Variants in MTHFD1 observed in about 807,000 individuals in gnomAD.
MTHFD1 encodes the protein methylenetetrahydrofolate dehydrogenase, cyclohydrolase and formyltetrahydrofolate synthetase 1.
MTHFD1 carries 44 observed loss-of-function variants against 110.3 expected under a neutral mutation model. That is an observed-to-expected ratio of 0.40 (90% confidence interval 0.31 to 0.51). The LOEUF (loss-of-function observed/expected upper bound fraction) is 0.51. MTHFD1 is among the 20% of genes least tolerant of loss of function. The pLI is 0.60. For missense variants in MTHFD1, 909 were observed against 1,173.1 expected, an observed-to-expected ratio of 0.77 and a Z score of 3.29; for synonymous variants, 402 against 428.8, an observed-to-expected ratio of 0.94 and a Z score of 0.77.
intron 15 of MTHFD1, among the ~76,000 whole-genome samples, chr14:64,435,339 T>G (rs1163918967): frequency 6.6e-6 from 1 of 152,146 alleles, no homozygotes; most frequent in African/African-American, 2.4e-5. Context: ...ATAATCCTCG[T>G]TGCTCATTCC....
rs749797874 is a variant in MTHFD1, at chr14:64,415,371, T to C, written c.254T>C (p.Ile85Thr). 6.2e-7 allele frequency: 1 copy of C among 1,607,774 alleles called. No homozygotes were observed. Among genetic ancestry groups the C allele is most frequent in the South Asian group, 1.1e-5 (1 of 90,928 alleles). The change falls in exon 5 of 28, where the codon ATT becomes ACT. Residue 85 changes from isoleucine (I) to threonine (T), a missense_variant. Transcript: ENST00000652337. ...TATTACTTTTAGGTGATGAAGTACA[T>C]TACATCTTTGAATGAAGACTCTACT... ...TTTESEVMKY[I>T]TSLNEDSTVH...
chr14:64,389,076 A>G (rs3783732), intron 1 of MTHFD1: 1 of 153,214 alleles, frequency 6.5e-6, no homozygotes. Flanking sequence ...TCTGCATTCC[A>G]CTTGACCTCT....
At chr14:64,390,445 C>T (rs1312547156) in intron 1 of MTHFD1, 2 of 151,880 alleles carry the variant, frequency 1.3e-5, no homozygotes, top group African/African-American at 4.8e-5. Context: ...TCATATCAGC[C>T]TCCTGAGTAC....
chr14:64,426,617 C>T (rs544833412), intron 11 of MTHFD1, among the ~76,000 whole-genome samples: 17 of 152,180 alleles, frequency 1.1e-4, no homozygotes, highest in Admixed American at 6.5e-5. Context: ...ACTACAGGTG[C>T]AAGGCACCAC....
chr14:64,428,674 C>T (rs2078136498), intron 12 of MTHFD1, among the ~76,000 whole-genome samples: 2 of 151,226 alleles, frequency 1.3e-5, no homozygotes, highest in African/African-American at 4.9e-5. Flanking sequence ...CTGCCTCAGC[C>T]TCCCAAGTAG....
chr14:64,397,138 AATATATATATATATATATATAT>A (rs1182197415), intron 1 of MTHFD1, among the ~76,000 whole-genome samples: 10 of 11,946 alleles, frequency 8.4e-4, no homozygotes, highest in East Asian at 7.7e-3. Context: ...AAAAAAAAAA[AATATATATATATATATATATAT>A]ATATATATAT....
At chr14:64,448,108 C>T in intron 22 of MTHFD1, 109 bp from the exon 23 acceptor site, 1 of 788,008 alleles carries the variant, frequency 1.3e-6, no homozygotes, top group South Asian at 1.5e-5. Context: ...GCCTCCTTGT[C>T]CTGATAGTGA....
intron 16 of MTHFD1, among the ~76,000 whole-genome samples, chr14:64,436,055 G>A (rs1353497136): frequency 1.3e-5 from 2 of 151,940 alleles, no homozygotes; most frequent in Non-Finnish European, 2.9e-5. Context: ...CTCTTGTGTG[G>A]CATAAATGAC....
intron 9 of MTHFD1, among the ~76,000 whole-genome samples, chr14:64,425,190 T>G (rs898828163): frequency 1.3e-5 from 2 of 152,004 alleles, no homozygotes; most frequent in East Asian, 3.9e-4. Flanking sequence ...GCCAGGTCTG[T>G]TTTGGTTTGC....
chr14:64,399,047 G>C (rs1471007160), intron 1 of MTHFD1, among the ~76,000 whole-genome samples: 1 of 152,168 alleles, frequency 6.6e-6, no homozygotes, highest in Non-Finnish European at 1.5e-5. Flanking sequence ...AAATTCTTTT[G>C]TGAATTAGAA....
chr14:64,398,727 C>T (rs1485840210), intron 1 of MTHFD1, among the ~76,000 whole-genome samples: 1 of 151,990 alleles, frequency 6.6e-6, no homozygotes, highest in South Asian at 2.1e-4. Context: ...CTGGGAGTAA[C>T]CAAATCAGAA....
In MTHFD1 at chr14:64,453,866, A is replaced by G. The variant is rs2078419925; in HGVS notation, c.2565+5A>G. On this transcript the variant is annotated splice_donor_5th_base_variant and intron_variant, in intron 25 of 27. Transcript: ENST00000652337. Reference sequence around the variant, plus strand: ...GCTGAAGTCTACACGAAGCAGGTAGATGTTTGGTTAGTTTGTCCTTTCAAC... The same window carrying G: ...GCTGAAGTCTACACGAAGCAGGTAGGTGTTTGGTTAGTTTGTCCTTTCAAC... 6.4e-7 allele frequency: 1 copy of G among 1,573,856 alleles called. No homozygotes were observed. Among genetic ancestry groups the G allele is most frequent in the Non-Finnish European group, 8.7e-7 (1 of 1,143,694 alleles).
intron 8 of MTHFD1, among the ~76,000 whole-genome samples, chr14:64,423,226 T>A (rs985223783): frequency 1.3e-5 from 2 of 152,158 alleles, no homozygotes; most frequent in Non-Finnish European, 2.9e-5. Flanking sequence ...TTTTACTCCA[T>A]ATAAAAAATA....
At chr14:64,391,812 T>G (rs545740418) in intron 1 of MTHFD1, among the ~76,000 whole-genome samples, 3 of 152,340 alleles carry the variant, frequency 2.0e-5, no homozygotes, top group African/African-American at 7.2e-5. Context: ...ATTTATTCAC[T>G]TACTCAACAA....
chr14:64,441,829 A>C, intron 19 of MTHFD1: 1 of 614,488 alleles, frequency 1.6e-6, no homozygotes. Context: ...AATTAAGCAC[A>C]CTTAACCTGG....
chr14:64,403,789 C>G (rs2077917375), intron 2 of MTHFD1, among the ~76,000 whole-genome samples: 1 of 152,148 alleles, frequency 6.6e-6, no homozygotes, highest in African/African-American at 2.4e-5. Flanking sequence ...CAAAGTGATC[C>G]TCCCGCCTTG....
intron 1 of MTHFD1, among the ~76,000 whole-genome samples, chr14:64,398,086 G>A (rs1188420144): frequency 6.6e-6 from 1 of 152,190 alleles, no homozygotes; most frequent in African/African-American, 2.4e-5. Flanking sequence ...GGAACTGCTG[G>A]GGAGTGCAAA....
chr14:64,457,114 T>C (rs1453989768), intron 26 of MTHFD1, among the ~76,000 whole-genome samples: 1 of 152,242 alleles, frequency 6.6e-6, no homozygotes, highest in Non-Finnish European at 1.5e-5. Context: ...CCAGTAAGAA[T>C]GGTGATTATA....
intron 23 of MTHFD1, chr14:64,448,562 C>T (rs2078315997): frequency 1.9e-6 from 1 of 526,376 alleles, no homozygotes; most frequent in African/African-American, 1.9e-5. Flanking sequence ...AAGTAACACA[C>T]AAGCCTGAAG....
Sources: allele counts gnomAD v4.1 joint callset (sites outside exome capture counted in the v4.1 genomes callset), GRCh38; gene constraint gnomAD v4.1.1; transcripts MANE v1.5; gene names NCBI Gene and HGNC (gene_info 2026-07-23, HGNC 2026-07-21).